Variants in GNL1 observed in about 807,000 individuals in gnomAD.
GNL1 encodes G protein nucleolar 1, also known as guanine nucleotide-binding protein-like 1.
Under a neutral mutation model 75.2 loss-of-function variants are expected in GNL1, and 21 were observed. That is an observed-to-expected ratio of 0.28 (90% CI 0.20 to 0.40). GNL1 has a LOEUF of 0.40. GNL1 is among the 10% of genes least tolerant of loss of function. The pLI is 1.00. For synonymous variants in GNL1, 287 were observed against 303.4 expected (o/e 0.95, Z 0.56); for missense variants, 579 against 775.0 (o/e 0.75, Z 3.00).
In GNL1 at chr6:30,544,192, G is replaced by A. The variant is rs1799325542; in HGVS notation, c.*1880C>T. 1 of 152,178 alleles carries A rather than the reference G, an allele frequency of 6.6e-6. No individual in the cohort carries two copies. Among genetic ancestry groups the A allele is most frequent in the Non-Finnish European group, 1.5e-5 (1 of 68,104 alleles). 9.4% of individuals were successfully genotyped at this position (152,178 alleles called of 1,614,324 possible). On this transcript the variant is annotated 3_prime_UTR_variant, in exon 12 of 12. Coordinates refer to ENST00000376621, the MANE Select transcript of GNL1 (RefSeq NM_005275.5). ...GTCTAACCCTGTGGGGGTGTCAGGA[G>A]TTGCCTCCTGCCAGGTCTTCAGCAT...
Position 30,556,158 on chromosome 6 carries a change from A to T in GNL1, c.46T>A (p.Leu16Met). The T allele has an allele frequency of 1.2e-6, 2 of 1,604,576 alleles. No individual in the cohort carries two copies. Among genetic ancestry groups the T allele is most frequent in the Non-Finnish European group, 1.7e-6 (2 of 1,178,450 alleles). Reference protein sequence around the residue: ...PFSVKQKKKQLQDKRERKRGL... With the variant: ...PFSVKQKKKQMQDKRERKRGL... ...CTCTTCCGCTCCCGTTTGTCCTGCA[A>T]CTGCTTCTTCTTCTGCTTCACGCTG... The change falls in exon 1 of 12, where the codon TTG (leucine) becomes ATG (methionine). Residue 16 changes from leucine to methionine, a missense_variant. Leu to Met is a conservative substitution (Grantham distance 15). Transcript: ENST00000376621. The surrounding 1 kb of genome is among the most constrained non-coding windows in gnomAD (Gnocchi z 5.7).
chr6:30,544,997 G>A lies in GNL1; in HGVS notation c.*1075C>T, dbSNP rs1582487967. 6.6e-6 allele frequency: 1 copy of A among 152,160 alleles called. No individual in the cohort carries two copies. The highest frequency in any genetic ancestry group is 1.5e-5 in the Non-Finnish European group (1 of 68,036). The allele number at this position is 152,160 out of a possible 1,614,324, so 9.4% of individuals were successfully genotyped here. A position where few individuals can be genotyped will look rare whatever the true frequency, so the allele number is the denominator to read the frequency against. ...TGCTGGCTTAACAAAGGGATATACA[G>A]CAAAGCCTAAGGTGCCCTGACTCAC... On this transcript the variant is annotated 3_prime_UTR_variant, in exon 12 of 12. Coordinates refer to ENST00000376621, the MANE Select transcript of GNL1 (RefSeq NM_005275.5).
At chr6:30,553,734 C>T (rs975128701) in intron 5 of GNL1, among the ~76,000 whole-genome samples, 177 bp from the exon 6 acceptor site, 1 of 152,194 alleles carries the variant, frequency 6.6e-6, no homozygotes, top group Non-Finnish European at 1.5e-5. Flanking sequence ...GTTAGTAATA[C>T]TTCTGAGTCT....
chr6:30,545,907 C>T lies in GNL1; in HGVS notation c.*165G>A, dbSNP rs1336783239. ...AGAAGGGAGAAGAGGAGAGAAGCCT[C>T]CCACAGCTGTTAGCCTGGAACAGCC... is the stretch of plus-strand genomic sequence containing the variant. On this transcript the variant is annotated 3_prime_UTR_variant, in exon 12 of 12. Transcript: ENST00000376621. 1.6e-6 allele frequency: 1 copy of T among 607,650 alleles called. No homozygotes were observed. Among genetic ancestry groups the T allele is most frequent in the African/African-American group, 2.0e-5 (1 of 51,258 alleles). 37.6% of individuals were successfully genotyped at this position (607,650 alleles called of 1,614,324 possible). A position where few individuals can be genotyped will look rare whatever the true frequency, so the allele number is the denominator to read the frequency against.
intron 6 of GNL1, 38 bp from the exon 7 acceptor site, chr6:30,553,217 T>G (rs369549010): frequency 1.8e-5 from 27 of 1,515,368 alleles, no homozygotes; most frequent in Non-Finnish European, 2.4e-5. Flanking sequence ...GCACACGGGC[T>G]TAGGCCTCTC....
At position 30,541,429 on chromosome 6, in the gene GNL1, T is replaced by C. The variant is rs1202635599; in HGVS notation, c.*4643A>G. 2 of 152,250 alleles carry C rather than the reference T, an allele frequency of 1.3e-5. No individual in the cohort carries two copies. Among genetic ancestry groups the C allele is most frequent in the Non-Finnish European group, 2.9e-5 (2 of 68,046 alleles). The allele number at this position is 152,250 out of a possible 1,614,324, so 9.4% of individuals were successfully genotyped here. A position where few individuals can be genotyped will look rare whatever the true frequency, so the allele number is the denominator to read the frequency against. On this transcript the variant is annotated 3_prime_UTR_variant, in exon 12 of 12. Transcript: ENST00000376621. ...TTTAATATTTTATTAAAAATTTTTG[T>C]ATTTGTAAATATTAAAACACTGAAA...
At chr6:30,553,059 C>G (rs201236335) in intron 7 of GNL1, 25 bp downstream of exon 7, 1 of 1,491,474 alleles carries the variant, frequency 6.7e-7, no homozygotes, top group East Asian at 2.3e-5. Flanking sequence ...TGTCCTCCTA[C>G]AGCCCTCCTC....
rs150150274 is a variant in GNL1 at position 30,549,901 on chromosome 6, G to A, written c.1100-2371C>T. On this transcript the variant is annotated intron_variant, in intron 8 of 11. Transcript: ENST00000376621. ...TGCAGTGGTATGATCTTGGCTCACC[G>A]TAACCTCTGCCTCCAGGATTCAAGC... is the stretch of plus-strand genomic sequence containing the variant. Among the ~76,000 whole-genome samples the A allele has an allele frequency of 4.3e-3, 621 of 145,576 alleles. 4 individuals are homozygous for A. The highest frequency in any genetic ancestry group is 0.016 in the African/African-American group (612 of 38,664).
Position 30,555,809 on chromosome 6 carries a change from C to T in GNL1, c.74-89G>A. 1 of 1,346,370 alleles carries T rather than the reference C, an allele frequency of 7.4e-7. No homozygotes were observed. The highest frequency in any genetic ancestry group is 1.0e-6 in the Non-Finnish European group (1 of 964,706). 83.4% of individuals were successfully genotyped at this position (1,346,370 alleles called of 1,614,324 possible). On this transcript the variant is annotated intron_variant, in intron 1 of 11. Coordinates refer to ENST00000376621, the MANE Select transcript of GNL1 (RefSeq NM_005275.5). This position sits in a 1 kb window ranked among gnomAD's most constrained non-coding sequence, Gnocchi z 4.3. ...CCATCGGCCTGACTCCCTTTCATCC[C>T]ACTCAACTTCTTCCGATGTTCAGTC...
Position 30,546,897 on chromosome 6 carries a change from A to G in GNL1, c.1442-61T>C. ...TTAACCAGGTACCAGTTATACTCCC[A>G]CTCCCATAACACAGTCCTTCCAGTT... On this transcript the variant is annotated intron_variant, in intron 10 of 11. Coordinates refer to ENST00000376621, the MANE Select transcript of GNL1 (RefSeq NM_005275.5). The surrounding 1 kb of genome is among the most constrained non-coding windows in gnomAD (Gnocchi z 5.1). 2 of 1,366,080 alleles carry G rather than the reference A, an allele frequency of 1.5e-6. No homozygotes were observed. The highest frequency in any genetic ancestry group is 2.0e-6 in the Non-Finnish European group (2 of 977,858). 84.6% of individuals were successfully genotyped at this position (1,366,080 alleles called of 1,614,324 possible).
chr6:30,552,462 CT>C lies in GNL1; in HGVS notation c.1099+4del. ...GCCACCACGCACAAGCTGCCACTTC[CT>C]TACCCACACAGCCGATGGTCACCAC... On this transcript the variant is annotated splice_donor_region_variant and intron_variant, in intron 8 of 11. Coordinates refer to ENST00000376621, the MANE Select transcript of GNL1 (RefSeq NM_005275.5). The surrounding 1 kb of genome is among the most constrained non-coding windows in gnomAD (Gnocchi z 4.5). 1 of 1,609,880 alleles carries C rather than the reference CT, an allele frequency of 6.2e-7. No homozygotes were observed. The highest frequency in any genetic ancestry group is 8.5e-7 in the Non-Finnish European group (1 of 1,177,066).
In GNL1 at chr6:30,553,404, C is replaced by T. The variant is rs1377140558; in HGVS notation, c.754G>A (p.Val252Ile). ...FHQHYPQLHV[V>I]LFTSFPRDPR... ...TCCCGAGGAAAAGAGGTGAAAAGGA[C>T]GACGTGGAGCTGGGGATAGTGTTGA... The change falls in exon 6 of 12, where the codon GTC becomes ATC. Residue 252 changes from valine to isoleucine, a missense_variant. By Grantham distance (29) the Val-to-Ile change is conservative. Transcript: ENST00000376621. 4.3e-6 allele frequency: 7 copies of T among 1,612,652 alleles called. No individual in the cohort carries two copies. Among genetic ancestry groups the T allele is most frequent in the African/African-American group, 1.3e-5 (1 of 74,864 alleles).
rs774135161 is a variant in GNL1, at chr6:30,556,242, C to T, written c.-39G>A. Reference sequence around the variant, plus strand: ...CACCTGGCCCGCCCTCCGCCGAGCTCCCGCCGCCTCAACTGACTGCCCCCC... The same window carrying T: ...CACCTGGCCCGCCCTCCGCCGAGCTTCCGCCGCCTCAACTGACTGCCCCCC... On this transcript the variant is annotated 5_prime_UTR_variant, in exon 1 of 12. Coordinates refer to ENST00000376621, the MANE Select transcript of GNL1 (RefSeq NM_005275.5). This position sits in a 1 kb window ranked among gnomAD's most constrained non-coding sequence, Gnocchi z 5.7. 3 of 1,596,914 alleles carry T rather than the reference C, an allele frequency of 1.9e-6. No homozygotes were observed. In the Admixed American group the frequency reaches 5.0e-5, roughly 27 times the overall value.
At chr6:30,554,735 C>T (rs1800023208) in intron 4 of GNL1, 29 bp downstream of exon 4, 1 of 1,610,870 alleles carries the variant, frequency 6.2e-7, no homozygotes, top group Non-Finnish European at 8.5e-7. Context: ...TCACTATGCC[C>T]CACTCCTGTC....
intron 8 of GNL1, among the ~76,000 whole-genome samples, chr6:30,549,003 T>TC (rs879416724): frequency 1.3e-5 from 2 of 150,940 alleles, no homozygotes; most frequent in African/African-American, 4.9e-5. Flanking sequence ...TTGTTTTTTT[T>TC]GTTTTTGTTT....
Position 30,545,799 on chromosome 6 carries a change from G to A in GNL1, c.*273C>T. ...TTCCTAAGGTGCAGAGTGGGAGAAT[G>A]GGTAGAGGAAGCAGGTTTCAGAGAC... On this transcript the variant is annotated 3_prime_UTR_variant, in exon 12 of 12. Coordinates refer to ENST00000376621, the MANE Select transcript of GNL1 (RefSeq NM_005275.5). 2.1e-6 allele frequency: 1 copy of A among 472,722 alleles called. No individual in the cohort carries two copies. Among genetic ancestry groups the A allele is most frequent in the Non-Finnish European group, 3.7e-6 (1 of 270,726 alleles). 29.3% of individuals were successfully genotyped at this position (472,722 alleles called of 1,614,324 possible). A position where few individuals can be genotyped will look rare whatever the true frequency, so the allele number is the denominator to read the frequency against.
In GNL1 at chr6:30,553,154, C is replaced by T. The variant is rs770073126; in HGVS notation, c.834G>A (p.Gly278=). 2 of 1,613,488 alleles carry T rather than the reference C, an allele frequency of 1.2e-6. No homozygotes were observed. The highest frequency in any genetic ancestry group is 1.7e-6 in the Non-Finnish European group (2 of 1,179,418). ...GCCCCAGGGCCCGAGTCCATCCTCT[C>T]CCCCGCCTCCGACTCTTCTTCAAGA... is the stretch of plus-strand genomic sequence containing the variant. ...SSVLKKSRRR[G]RGWTRALGPE... is the part of the protein sequence containing the mutation. The change falls in exon 7 of 12, where the codon GGG becomes GGA. Residue 278 remains glycine (G), a synonymous_variant. Transcript: ENST00000376621.
chr6:30,554,158 G>A (rs1156841002), intron 5 of GNL1, among the ~76,000 whole-genome samples: 1 of 152,240 alleles, frequency 6.6e-6, no homozygotes, highest in African/African-American at 2.4e-5. Flanking sequence ...CAGTCCAGCA[G>A]CAGTCTACAG....
rs150038929 is a variant in GNL1 at position 30,553,408 on chromosome 6, G to A, written c.750C>T (p.His250=). The change falls in exon 6 of 12, where the codon CAC becomes CAT. Residue 250 remains histidine, a synonymous_variant. Coordinates refer to ENST00000376621, the MANE Select transcript of GNL1 (RefSeq NM_005275.5). ...HYFHQHYPQL[H]VVLFTSFPRD... ...GAGGAAAAGAGGTGAAAAGGACGAC[G>A]TGGAGCTGGGGATAGTGTTGATGGA... The A allele has an allele frequency of 9.5e-5, 154 of 1,612,776 alleles. No individual in the cohort carries two copies. Among genetic ancestry groups the A allele is most frequent in the Non-Finnish European group, 1.3e-4 (149 of 1,180,028 alleles).
Sources: allele counts gnomAD v4.1 joint callset (sites outside exome capture counted in the v4.1 genomes callset), GRCh38; gene constraint gnomAD v4.1.1; non-coding constraint Gnocchi (gnomAD v3.1); transcripts MANE v1.5; gene names NCBI Gene and HGNC (gene_info 2026-07-23, HGNC 2026-07-21).